Variants in AGBL1 observed in about 807,000 individuals in gnomAD.
AGBL1 encodes AGBL carboxypeptidase 1, also known as cytosolic carboxypeptidase 4.
In AGBL1, 130 loss-of-function variants were observed where a neutral mutation model predicts 118.9. That is an observed-to-expected ratio of 1.09 (90% CI 0.95 to 1.26). The LOEUF (loss-of-function observed/expected upper bound fraction) is 1.26, where lower values mean the gene tolerates loss of function less well. Ranked by LOEUF, AGBL1 falls within the 50% of genes most tolerant of loss-of-function variation. The pLI, the probability that AGBL1 is intolerant of heterozygous loss-of-function variation, is 0.00. For missense variants in AGBL1, 1,584 were observed against 1,298.1 expected (o/e 1.22, Z -3.38); for synonymous variants, 555 against 478.9 (o/e 1.16, Z -2.08).
chr15:86,295,665 C>G (rs536832666), intron 17 of AGBL1: 1 of 300,198 alleles, frequency 3.3e-6, no homozygotes, highest in East Asian at 5.9e-5. Context: ...ATGATGGTCA[C>G]TTCCTCTCTT....
At chr15:87,018,644 A>C (rs1279922953) in intron 24 of AGBL1, among the ~76,000 whole-genome samples, 3 of 151,002 alleles carry the variant, frequency 2.0e-5, no homozygotes, top group Non-Finnish European at 4.4e-5. Context: ...CTGTTACCAA[A>C]AGTATTTTTT....
intron 6 of AGBL1, among the ~76,000 whole-genome samples, chr15:86,247,462 A>G (rs945892993): frequency 6.6e-6 from 1 of 152,206 alleles, no homozygotes; most frequent in Admixed American, 6.5e-5. Flanking sequence ...TCAGTGTATC[A>G]TATCGGGTGG....
intron 5 of AGBL1, among the ~76,000 whole-genome samples, chr15:86,210,063 T>C (rs2078065147): frequency 1.3e-5 from 2 of 152,216 alleles, no homozygotes; most frequent in Admixed American, 6.5e-5. Flanking sequence ...TTATTTCTCC[T>C]TCACTTATGA....
chr15:86,238,298 C>T (rs1489783491), intron 6 of AGBL1, among the ~76,000 whole-genome samples: 1 of 152,162 alleles, frequency 6.6e-6, no homozygotes, highest in Non-Finnish European at 1.5e-5. Flanking sequence ...TCTCTGTTGT[C>T]AATAATAGTG....
At chr15:86,837,783 G>A (rs2079189132) in intron 22 of AGBL1, among the ~76,000 whole-genome samples, 1 of 152,202 alleles carries the variant, frequency 6.6e-6, no homozygotes, top group African/African-American at 2.4e-5. Context: ...TGAGAGAGAA[G>A]ACTACATTTC....
intron 22 of AGBL1, among the ~76,000 whole-genome samples, chr15:86,803,379 T>A (rs1437781876): frequency 6.6e-6 from 1 of 152,174 alleles, no homozygotes; most frequent in African/African-American, 2.4e-5. Context: ...TGATTGTAAG[T>A]TTCCCTGAGG....
At chr15:86,502,597 G>GTTT (rs35270382) in intron 18 of AGBL1, among the ~76,000 whole-genome samples, 13 of 145,664 alleles carry the variant, frequency 8.9e-5, no homozygotes, top group Admixed American at 2.7e-4. Flanking sequence ...TCCCTTCTTA[G>GTTT]TTTTTTTTTT....
chr15:86,581,835 T>G (rs2084176596), intron 21 of AGBL1, among the ~76,000 whole-genome samples: 1 of 152,096 alleles, frequency 6.6e-6, no homozygotes, highest in Non-Finnish European at 1.5e-5. Context: ...GGTGGTGAAA[T>G]GAAACCAGCC....
At chr15:86,825,898 TAGATAG>T (rs2079005587) in intron 22 of AGBL1, among the ~76,000 whole-genome samples, 1 of 44,508 alleles carries the variant, frequency 2.2e-5, no homozygotes, top group Non-Finnish European at 6.0e-5. Flanking sequence ...GATAGATAGA[TAGATAG>T]ATAGATAGAT....
chr15:86,472,497 A>AT (rs2082491918), intron 18 of AGBL1, among the ~76,000 whole-genome samples: 1 of 152,236 alleles, frequency 6.6e-6, no homozygotes, highest in African/African-American at 2.4e-5. Flanking sequence ...TCCTAACATT[A>AT]TACAATTTTA....
At chr15:86,918,978 A>G (rs1383344222), downstream of AGBL1, among the ~76,000 whole-genome samples, 1 of 152,102 alleles carries the variant, frequency 6.6e-6, no homozygotes, top group Non-Finnish European at 1.5e-5. Flanking sequence ...GAACAATATC[A>G]TGTGTTCCCC....
intron 22 of AGBL1, among the ~76,000 whole-genome samples, chr15:86,679,350 A>G (rs918387397): frequency 6.6e-6 from 1 of 152,026 alleles, no homozygotes; most frequent in Non-Finnish European, 1.5e-5. Flanking sequence ...TGTTCATCTA[A>G]AAAATGTGTA....
chr15:86,793,813 A>G (rs2078532300), intron 22 of AGBL1, among the ~76,000 whole-genome samples: 2 of 152,208 alleles, frequency 1.3e-5, no homozygotes, highest in African/African-American at 4.8e-5. Context: ...CTTTTTCCAA[A>G]GAAGATGCAC....
At chr15:86,723,184 G>C (rs978500707) in intron 22 of AGBL1, among the ~76,000 whole-genome samples, 2 of 152,168 alleles carry the variant, frequency 1.3e-5, no homozygotes, top group Non-Finnish European at 2.9e-5. Flanking sequence ...AAATCATGCT[G>C]TTATAAAGAC....
intron 5 of AGBL1, among the ~76,000 whole-genome samples, chr15:86,197,270 T>C (rs1257332269): frequency 6.6e-6 from 1 of 152,106 alleles, no homozygotes; most frequent in African/African-American, 2.4e-5. Context: ...TAAAGGCAAT[T>C]CTGGTGAGGA....
At chr15:86,284,086 T>C (rs892099763) in intron 16 of AGBL1, among the ~76,000 whole-genome samples, 2 of 151,224 alleles carry the variant, frequency 1.3e-5, no homozygotes. Flanking sequence ...CAATACTAGA[T>C]GGTAACCATT....
intron 18 of AGBL1, among the ~76,000 whole-genome samples, chr15:86,450,221 T>C (rs1404105330): frequency 6.6e-6 from 1 of 152,262 alleles, no homozygotes; most frequent in East Asian, 1.9e-4. Flanking sequence ...GTTAGCTATC[T>C]AAGGCAGTAA....
intron 22 of AGBL1, among the ~76,000 whole-genome samples, chr15:86,792,467 T>C (rs1021278669): frequency 2.6e-5 from 4 of 152,202 alleles, no homozygotes; most frequent in Admixed American, 1.3e-4. Flanking sequence ...ATGGAAGTTA[T>C]TGAGAGTGGC....
intron 21 of AGBL1, among the ~76,000 whole-genome samples, chr15:86,658,594 A>G (rs1310679351): frequency 2.0e-5 from 3 of 152,130 alleles, no homozygotes; most frequent in African/African-American, 7.2e-5. Context: ...AGCCTCCTGG[A>G]CCTTGGTTTT....
Sources: gnomAD v4.1 joint callset for allele counts (sites outside exome capture counted in the v4.1 genomes callset) on GRCh38, gnomAD v4.1.1 for gene constraint, MANE v1.5 for transcripts, NCBI Gene and HGNC (gene_info 2026-07-23, HGNC 2026-07-21) for gene names.